The following TBRG4 variants were observed in gnomAD, a reference collection of about 807,000 sequenced individuals.
The protein encoded by TBRG4 is FAST kinase domain-containing protein 4.
A neutral mutation model predicts 65.6 loss-of-function variants in TBRG4; 43 were observed. That is an observed-to-expected ratio of 0.66 (90% CI 0.51 to 0.85). The LOEUF (loss-of-function observed/expected upper bound fraction) is 0.85, where lower values mean the gene tolerates loss of function less well. TBRG4 is among the 40% of genes least tolerant of loss of function. The pLI, the probability that TBRG4 is intolerant of heterozygous loss-of-function variation, is 0.00. For missense variants in TBRG4, 709 were observed against 787.9 expected, an observed-to-expected ratio of 0.90 and a Z score of 1.20; for synonymous variants, 366 against 341.4, an observed-to-expected ratio of 1.07 and a Z score of -0.79.
intron 10 of TBRG4, among the ~76,000 whole-genome samples, chr7:45,100,709 CACA>C (rs1379801182): frequency 6.6e-6 from 1 of 152,226 alleles, no homozygotes; most frequent in Non-Finnish European, 1.5e-5. Flanking sequence ...TTAAAAAACT[CACA>C]ACAACCCAAA....
chr7:45,111,436 T>G, intron 1 of TBRG4: 3 of 418,594 alleles, frequency 7.2e-6, no homozygotes, highest in Non-Finnish European at 1.2e-5. Flanking sequence ...GGGCGGCGTC[T>G]TCCAGGCCTG....
rs887887633 is a variant in TBRG4 at position 45,100,342 on chromosome 7, C to T, written c.1879G>A (p.Glu627Lys). Residue 627 changes from glutamate (E) to lysine (K), a missense_variant, in exon 11 of 11, where the codon GAG becomes AAG. Glu to Lys is a moderately conservative substitution (Grantham distance 56). Coordinates refer to ENST00000258770, the MANE Select transcript of TBRG4 (RefSeq NM_004749.4). Reference sequence around the variant, plus strand: ...GGCACAAGTCACTTGGCCAGCTCCTCAGCCACCGCTTTGCGCATCTTGTCC... The same window carrying T: ...GGCACAAGTCACTTGGCCAGCTCCTTAGCCACCGCTTTGCGCATCTTGTCC... ...LKDKMRKAVA[E>K]ELAK The T allele has an allele frequency of 6.2e-7, 1 of 1,613,994 alleles. No homozygotes were observed.
chr7:45,101,385 A>T lies in TBRG4; in HGVS notation c.1680-13T>A, dbSNP rs1584024040. On this transcript the variant is annotated splice_polypyrimidine_tract_variant and intron_variant, in intron 9 of 10. Transcript: ENST00000258770. ...CAAGAACGCTAGCCTGGAAGGAAGA[A>T]GAGGTGGCTGACATGCTTCCACTCT... The T allele has an allele frequency of 3.7e-6, 6 of 1,613,596 alleles. No homozygotes were observed. In the East Asian group the frequency reaches 1.3e-4, roughly 36 times the overall value.
intron 6 of TBRG4, 113 bp from the exon 7 acceptor site, chr7:45,102,604 A>G (rs1478988180): frequency 7.0e-7 from 1 of 1,427,084 alleles, no homozygotes; most frequent in Non-Finnish European, 9.4e-7. Context: ...ATGAGGCCAG[A>G]GGAGGCTACT....
At chr7:45,110,280 T>TAA (rs1785088015) in intron 1 of TBRG4, among the ~76,000 whole-genome samples, 1 of 152,178 alleles carries the variant, frequency 6.6e-6, no homozygotes, top group Non-Finnish European at 1.5e-5. Context: ...CCTCCCCCTA[T>TAA]AAGACCCTTT....
intron 2 of TBRG4, chr7:45,106,170 T>C: frequency 2.3e-6 from 1 of 441,374 alleles, no homozygotes; most frequent in Non-Finnish European, 4.5e-6. Context: ...AGCCTGATCC[T>C]CTAGGCTACA....
Position 45,111,689 on chromosome 7 carries a change from C to A in TBRG4, c.-97G>T, listed in dbSNP as rs1347273569. ...CTCCATCCGCCGCCCTAACTGTCCC[C>A]GGAACCATGAGGTGCGCGGCGCGCT... On this transcript the variant is annotated 5_prime_UTR_variant, in exon 1 of 11. Transcript: ENST00000258770. 1 of 1,289,244 alleles carries A rather than the reference C, an allele frequency of 7.8e-7. No homozygotes were observed. The highest frequency in any genetic ancestry group is 2.3e-5 in the Admixed American group (1 of 43,528). 79.9% of individuals were successfully genotyped at this position (1,289,244 alleles called of 1,614,324 possible).
At chr7:45,105,893 C>T in intron 2 of TBRG4, 129 bp from the exon 3 acceptor site, 1 of 1,152,118 alleles carries the variant, frequency 8.7e-7, no homozygotes, top group Non-Finnish European at 1.3e-6. Context: ...AGTATCAGTT[C>T]CCCACTCCAT....
At position 45,103,350 on chromosome 7, in the gene TBRG4, C is replaced by T; in HGVS notation, c.1159G>A (p.Asp387Asn). 1 of 1,613,430 alleles carries T rather than the reference C, an allele frequency of 6.2e-7. No homozygotes were observed. The highest frequency in any genetic ancestry group is 1.3e-5 in the African/African-American group (1 of 75,030). ...GGCCCTACCAGGCTGAAGAACTGAT[C>T]CTCTTGGTCTGGATGGAAGTTCAGA... ...ARLNFHPDQE[D>N]QFFSLVHEKL... is the part of the protein sequence containing the mutation. Residue 387 changes from aspartate (D) to asparagine (N), a missense_variant, in exon 6 of 11, where the codon GAT becomes AAT. Coordinates refer to ENST00000258770, the MANE Select transcript of TBRG4 (RefSeq NM_004749.4).
In TBRG4 at chr7:45,102,023, T is replaced by C. The variant is rs774073735; in HGVS notation, c.1369A>G (p.Ile457Val). 1.9e-6 allele frequency: 3 copies of C among 1,565,792 alleles called. No individual in the cohort carries two copies. Among genetic ancestry groups the C allele is most frequent in the South Asian group, 1.2e-5 (1 of 84,788 alleles). ...DQNTFQKLLH[I>V]NATALLEYPE... is the part of the protein sequence containing the mutation. The stretch of plus-strand genomic sequence containing the variant: ...TACTCCAGCAGGGCAGTGGCGTTGA[T>C]GTGGAGCAGCTTCTGGAAGGTGTTC... The change falls in exon 8 of 11, where the codon ATC becomes GTC. Residue 457 changes from isoleucine (I) to valine (V), a missense_variant. By Grantham distance (29) the Ile-to-Val change is conservative. Transcript: ENST00000258770.
intron 1 of TBRG4, 29 bp from the exon 2 acceptor site, chr7:45,109,316 T>TACTACAGGGGCAGTTCCTGACTC: frequency 6.7e-7 from 1 of 1,495,334 alleles, no homozygotes; most frequent in Non-Finnish European, 8.9e-7. Context: ...GAGAAGGGGC[T>TACTACAGGGGCAGTTCCTGACTC]ACTACAGGGG....
intron 2 of TBRG4, chr7:45,106,303 GATT>G: frequency 3.3e-6 from 1 of 300,370 alleles, no homozygotes; most frequent in Non-Finnish European, 6.7e-6. Context: ...TAATGTAGTT[GATT>G]AAAGAGAGAC....
chr7:45,104,210 G>C lies in TBRG4; in HGVS notation c.954C>G (p.Thr318=). 6.2e-7 allele frequency: 1 copy of C among 1,614,130 alleles called. No homozygotes were observed. Among genetic ancestry groups the C allele is most frequent in the Non-Finnish European group, 8.5e-7 (1 of 1,180,038 alleles). The part of the protein sequence containing the change: ...HQTQVSQRLA[T]DLLSLMPSLT... ...GGCTGGGCATGAGGGATAGCAGGTC[G>C]GTGGCCAGGCGCTGGGACACCTGGG... The change falls in exon 5 of 11, where the codon ACC becomes ACG. Residue 318 remains threonine (T), a synonymous_variant. Coordinates refer to ENST00000258770, the MANE Select transcript of TBRG4 (RefSeq NM_004749.4).
At position 45,103,326 on chromosome 7, in the gene TBRG4, G is replaced by A; in HGVS notation, c.1176+7C>T. 1 of 1,607,996 alleles carries A rather than the reference G, an allele frequency of 6.2e-7. No individual in the cohort carries two copies. The highest frequency in any genetic ancestry group is 8.5e-7 in the Non-Finnish European group (1 of 1,175,870). On this transcript the variant is annotated splice_region_variant and intron_variant, in intron 6 of 10. Transcript: ENST00000258770. Reference sequence around the variant, plus strand: ...AAGGTCGAGCAGTGGGAGCCCAGAGGCCCTACCAGGCTGAAGAACTGATCC... The same window carrying A: ...AAGGTCGAGCAGTGGGAGCCCAGAGACCCTACCAGGCTGAAGAACTGATCC...
At chr7:45,110,797 C>T (rs1304133513) in intron 1 of TBRG4, 1 of 152,058 alleles carries the variant, frequency 6.6e-6, no homozygotes, top group Non-Finnish European at 1.5e-5. Context: ...TCTCCACTTC[C>T]TGGAACTTGG....
chr7:45,104,416 T>C (rs1784870796), intron 4 of TBRG4, 122 bp downstream of exon 4: 1 of 1,573,158 alleles, frequency 6.4e-7, no homozygotes, highest in Non-Finnish European at 8.7e-7. Flanking sequence ...TCACAGTGTT[T>C]CTGTGGCAGC....
intron 3 of TBRG4, 76 bp downstream of exon 3, chr7:45,105,365 G>T: frequency 6.7e-7 from 1 of 1,486,870 alleles, no homozygotes; most frequent in South Asian, 1.3e-5. Context: ...CCCCTCTGCA[G>T]ACAACTGTCA....
In TBRG4 at chr7:45,104,603, TAGG is replaced by T. The variant is rs1562935798; in HGVS notation, c.839_841del (p.Ser280del). 1 of 1,613,904 alleles carries T rather than the reference TAGG, an allele frequency of 6.2e-7. No homozygotes were observed. The highest frequency in any genetic ancestry group is 1.7e-5 in the Admixed American group (1 of 60,032). ...AGAGAAGGGCTTCTGCACCAGGTGG[TAGG>T]AGATGGCCCGCAGCAAGGGCACGGA... On this transcript the variant is annotated inframe_deletion, in exon 4 of 11. Transcript: ENST00000258770.
chr7:45,109,667 G>T (rs373040075), intron 1 of TBRG4, among the ~76,000 whole-genome samples: 2 of 151,832 alleles, frequency 1.3e-5, no homozygotes, highest in East Asian at 3.9e-4. Context: ...TTATTTCAAG[G>T]GTAACCAGGA....
Sources: gnomAD v4.1 joint callset for allele counts (sites outside exome capture counted in the v4.1 genomes callset) on GRCh38, gnomAD v4.1.1 for gene constraint, MANE v1.5 for transcripts, NCBI Gene and HGNC (gene_info 2026-07-23, HGNC 2026-07-21) for gene names.